SPIN1: variants seen among roughly 807,000 people sequenced by gnomAD.
SPIN1 encodes the protein spindlin-1.
In SPIN1, 3 loss-of-function variants were observed where a neutral mutation model predicts 26.0. That is an observed-to-expected ratio of 0.12 (90% confidence interval 0.05 to 0.30). The LOEUF is 0.30. Among genes scored for constraint, SPIN1 ranks in the 10% least tolerant of loss-of-function variants. The pLI is 1.00. For synonymous variants in SPIN1, 101 were observed against 116.5 expected, an observed-to-expected ratio of 0.87 and a Z score of 0.86; for missense variants, 126 against 333.4, an observed-to-expected ratio of 0.38 and a Z score of 4.84.
intron 2 of SPIN1, among the ~76,000 whole-genome samples, chr9:88,429,002 T>C (rs757080353): frequency 6.6e-6 from 1 of 152,122 alleles, no homozygotes; most frequent in Non-Finnish European, 1.5e-5. Context: ...GCCTCCCGAC[T>C]AGCTGGGACC....
At chr9:88,461,183 C>T (rs1274532667) in intron 3 of SPIN1, among the ~76,000 whole-genome samples, 1 of 152,198 alleles carries the variant, frequency 6.6e-6, no homozygotes, top group Non-Finnish European at 1.5e-5. Context: ...TTTCCTCACC[C>T]TGTGGTCCTG....
At chr9:88,443,514 T>C (rs998700363) in intron 2 of SPIN1, among the ~76,000 whole-genome samples, 2 of 152,264 alleles carry the variant, frequency 1.3e-5, no homozygotes, top group African/African-American at 4.8e-5. Context: ...TTTAAATTCC[T>C]GGTCTGGGTG....
intron 5 of SPIN1, 114 bp from the exon 6 acceptor site, chr9:88,474,964 A>AT: frequency 9.7e-7 from 1 of 1,036,252 alleles, no homozygotes; most frequent in Non-Finnish European, 1.3e-6. Flanking sequence ...AATTCAGGCT[A>AT]TTAAAATTTT....
At chr9:88,412,151 C>T (rs889399271) in intron 1 of SPIN1, among the ~76,000 whole-genome samples, 6 of 152,092 alleles carry the variant, frequency 3.9e-5, no homozygotes, top group African/African-American at 1.4e-4. Flanking sequence ...TGCACTCCAG[C>T]CTGGGTGACT....
chr9:88,428,079 G>GA (rs1827797163), intron 2 of SPIN1, among the ~76,000 whole-genome samples: 1 of 152,124 alleles, frequency 6.6e-6, no homozygotes, highest in South Asian at 2.1e-4. Context: ...ATTGACTGGT[G>GA]AAACCTCCCA....
At chr9:88,458,544 C>A (rs1178999727) in intron 3 of SPIN1, among the ~76,000 whole-genome samples, 1 of 152,016 alleles carries the variant, frequency 6.6e-6, no homozygotes, top group Admixed American at 6.6e-5. Context: ...AGATAATTCC[C>A]ATTTACAGAG....
At chr9:88,408,981 T>TTGTGTGTGTG (rs148808911) in intron 1 of SPIN1, among the ~76,000 whole-genome samples, 5,465 of 136,642 alleles carry the variant, frequency 0.04, 313 homozygotes, top group African/African-American at 0.12. Flanking sequence ...TTGTGTGTGT[T>TTGTGTGTGTG]TGTGTGTGTG....
At chr9:88,422,310 T>G (rs925559635) in intron 1 of SPIN1, among the ~76,000 whole-genome samples, 1 of 152,194 alleles carries the variant, frequency 6.6e-6, no homozygotes, top group Non-Finnish European at 1.5e-5. Context: ...GAATCTAAAA[T>G]TTTTTTGTTT....
intron 1 of SPIN1, among the ~76,000 whole-genome samples, chr9:88,418,553 T>C (rs1827612634): frequency 6.6e-6 from 1 of 152,202 alleles, no homozygotes; most frequent in Non-Finnish European, 1.5e-5. Context: ...GTATTTTTGC[T>C]TAAACAGTTT....
chr9:88,472,227 G>T lies in SPIN1; in HGVS notation c.590-2851G>T, dbSNP rs950925141. Among the ~76,000 whole-genome samples the T allele has an allele frequency of 5.3e-5, 8 of 152,300 alleles. No homozygotes were observed. The East Asian group carries it at 1.4e-3, about 26-fold the overall frequency. On this transcript the variant is annotated intron_variant, in intron 5 of 5. Transcript: ENST00000375859. ...TGACAGGGACTATGTTGAATTTGTA[G>T]ATCAGTTTTGAAGAGTATTGCCCTC... is the stretch of plus-strand genomic sequence containing the variant.
At chr9:88,405,098 T>C (rs1827268042) in intron 1 of SPIN1, among the ~76,000 whole-genome samples, 1 of 152,144 alleles carries the variant, frequency 6.6e-6, no homozygotes, top group Non-Finnish European at 1.5e-5. Flanking sequence ...TGAGGCTGTT[T>C]TACAGTTAAC....
intron 1 of SPIN1, among the ~76,000 whole-genome samples, chr9:88,389,004 G>A (rs1172828194): frequency 6.6e-6 from 1 of 151,446 alleles, no homozygotes; most frequent in Non-Finnish European, 1.5e-5. Flanking sequence ...CGGCGACGGG[G>A]GCGGGGCGGG....
At position 88,420,680 on chromosome 9, in the gene SPIN1, A is replaced by G. The variant is rs149370246; in HGVS notation, c.-158-5702A>G. ...TTGAGGTCTTTGTGTAAAAGAAGGA[A>G]GTTAATCTACAATGAAGATTAAGTT... is the stretch of plus-strand genomic sequence containing the variant. On this transcript the variant is annotated intron_variant, in intron 1 of 5. Transcript: ENST00000375859. Among the ~76,000 whole-genome samples, 466 of 152,328 alleles carry G rather than the reference A, an allele frequency of 3.1e-3. 2 individuals are homozygous for G. Among genetic ancestry groups the G allele is most frequent in the African/African-American group, 0.01 (436 of 41,568 alleles).
chr9:88,470,409 G>T (rs940338278), intron 5 of SPIN1, among the ~76,000 whole-genome samples: 1 of 152,108 alleles, frequency 6.6e-6, no homozygotes, highest in Non-Finnish European at 1.5e-5. Context: ...TTTAAAAACG[G>T]AAATACCACT....
Position 88,477,317 on chromosome 9 carries a change from T to C in SPIN1, c.*2040T>C, listed in dbSNP as rs1279169708. The C allele has an allele frequency of 1.3e-5, 2 of 152,176 alleles. No homozygotes were observed. The highest frequency in any genetic ancestry group is 2.9e-5 in the Non-Finnish European group (2 of 68,048). The allele number at this position is 152,176 out of a possible 1,614,324, so 9.4% of individuals were successfully genotyped here. A position where few individuals can be genotyped will look rare whatever the true frequency, so the allele number is the denominator to read the frequency against. On this transcript the variant is annotated 3_prime_UTR_variant, in exon 6 of 6. Transcript: ENST00000375859. ...GGCTCGGTAACTTTGCGTGGAAAAATAAAGTACATTTTGAAGTATCTTGAG... is the reference window on the plus strand; with the variant it reads ...GGCTCGGTAACTTTGCGTGGAAAAACAAAGTACATTTTGAAGTATCTTGAG...
intron 1 of SPIN1, among the ~76,000 whole-genome samples, chr9:88,406,112 C>T (rs762987734): frequency 6.6e-6 from 1 of 151,706 alleles, no homozygotes; most frequent in Non-Finnish European, 1.5e-5. Flanking sequence ...CTCAAGTAAT[C>T]TGCCCACCTT....
intron 2 of SPIN1, among the ~76,000 whole-genome samples, chr9:88,427,305 T>G (rs1001425714): frequency 2.0e-5 from 3 of 152,166 alleles, no homozygotes; most frequent in Non-Finnish European, 4.4e-5. Context: ...GAACAATTTC[T>G]TCTATTTATT....
At position 88,475,409 on chromosome 9, in the gene SPIN1, T is replaced by A; in HGVS notation, c.*132T>A. On this transcript the variant is annotated 3_prime_UTR_variant, in exon 6 of 6. Transcript: ENST00000375859. ...AACCCACAATCTCTGCCAGCAGAAC[T>A]GGTTTTGTTCTGAATAGTACAGATT... The A allele has an allele frequency of 1.1e-6, 1 of 929,964 alleles. No individual in the cohort carries two copies. The highest frequency in any genetic ancestry group is 1.6e-6 in the Non-Finnish European group (1 of 619,954). 57.6% of individuals were successfully genotyped at this position (929,964 alleles called of 1,614,324 possible). A position where few individuals can be genotyped will look rare whatever the true frequency, so the allele number is the denominator to read the frequency against.
At chr9:88,390,132 T>G (rs1025516489) in intron 1 of SPIN1, among the ~76,000 whole-genome samples, 5 of 152,190 alleles carry the variant, frequency 3.3e-5, no homozygotes, top group Admixed American at 6.5e-5. Flanking sequence ...TTTACAATGG[T>G]TATGAACTGG....
Sources: allele counts gnomAD v4.1 joint callset (sites outside exome capture counted in the v4.1 genomes callset), GRCh38; gene constraint gnomAD v4.1.1; transcripts MANE v1.5; gene names NCBI Gene and HGNC (gene_info 2026-07-23, HGNC 2026-07-21).